Variants in LYST observed in about 807,000 individuals in gnomAD.
LYST encodes the protein lysosomal-trafficking regulator.
LYST carries 192 observed loss-of-function variants against 413.6 expected under a neutral mutation model. The observed-to-expected ratio is 0.46, with a 90% CI of 0.41 to 0.52. The LOEUF is 0.52. Ranked by LOEUF, LYST falls within the 20% of genes least tolerant of loss-of-function variation. The probability of loss-of-function intolerance (pLI) is 0.00; values close to 1 mark genes in which losing one functional copy is unlikely to be tolerated. For synonymous variants in LYST, 1,525 were observed against 1,567.3 expected, an observed-to-expected ratio of 0.97 and a Z score of 0.64; for missense variants, 3,815 against 4,499.9, an observed-to-expected ratio of 0.85 and a Z score of 4.35.
intron 3 of LYST, 127 bp downstream of exon 3, chr1:235,830,099 A>T: frequency 1.5e-6 from 1 of 673,772 alleles, no homozygotes; most frequent in Non-Finnish European, 2.6e-6. Context: ...CTTTTTTTTT[A>T]GTGGAATAAT....
chr1:235,793,467 T>C (rs1162954819), intron 11 of LYST, 36 bp downstream of exon 11: 3 of 946,700 alleles, frequency 3.2e-6, no homozygotes, highest in Non-Finnish European at 5.1e-6. Flanking sequence ...TGAAAGAATT[T>C]ATCAGTGAAA....
At chr1:235,831,204 C>T (rs2103001313) in intron 2 of LYST, among the ~76,000 whole-genome samples, 1 of 152,248 alleles carries the variant, frequency 6.6e-6, no homozygotes, top group South Asian at 2.1e-4. Flanking sequence ...CATGTATTGC[C>T]TCACCTCCCT....
chr1:235,756,738 A>G (rs1036622759), intron 24 of LYST, among the ~76,000 whole-genome samples: 1 of 152,198 alleles, frequency 6.6e-6, no homozygotes, highest in African/African-American at 2.4e-5. Context: ...TTAAAAAACA[A>G]GTACACAGAT....
intron 47 of LYST, among the ~76,000 whole-genome samples, chr1:235,693,065 C>T (rs1043557580): frequency 1.3e-5 from 2 of 152,064 alleles, no homozygotes; most frequent in Non-Finnish European, 2.9e-5. Context: ...CCTGTAATCC[C>T]AGCACTTTGG....
At chr1:235,859,903 A>C (rs1446795849) in intron 1 of LYST, among the ~76,000 whole-genome samples, 1 of 152,244 alleles carries the variant, frequency 6.6e-6, no homozygotes, top group Non-Finnish European at 1.5e-5. Flanking sequence ...AAAGAGTATC[A>C]TACAAATACT....
At chr1:235,715,535 TC>T (rs942654821) in intron 41 of LYST, among the ~76,000 whole-genome samples, 178 bp from the exon 42 acceptor site, 1 of 152,056 alleles carries the variant, frequency 6.6e-6, no homozygotes, top group Non-Finnish European at 1.5e-5. Context: ...GGGAGTCTTC[TC>T]CTTGGTGCCT....
At chr1:235,797,896 A>T (rs1306208364) in intron 10 of LYST, among the ~76,000 whole-genome samples, 3 of 152,212 alleles carry the variant, frequency 2.0e-5, no homozygotes, top group Non-Finnish European at 4.4e-5. Flanking sequence ...CAATATCCAG[A>T]ATATATAGAG....
chr1:235,844,979 T>C lies in LYST; in HGVS notation c.-97-11312A>G, dbSNP rs577523439. On this transcript the variant is annotated intron_variant, in intron 1 of 52. Coordinates refer to ENST00000389793, the MANE Select transcript of LYST (RefSeq NM_000081.4). The stretch of plus-strand genomic sequence containing the variant: ...CTAAAGAGAGGAGCTCCTGGGATCA[T>C]GGCGAAGGGAGGCAGGACTAGATTG... 7.2e-4 allele frequency among the ~76,000 whole-genome samples: 110 copies of C among 152,154 alleles called. 1 individual carries two copies. Among genetic ancestry groups the C allele is most frequent in the African/African-American group, 2.6e-3 (106 of 41,526 alleles).
At position 235,783,551 on chromosome 1, in the gene LYST, T is replaced by A. The variant is rs139697440; in HGVS notation, c.4863-1464A>T. ...ATGCACGTGGGGCTTAAAACCTAGA[T>A]GACGGGTTGATGGGTGCAGCAAACC... On this transcript the variant is annotated intron_variant, in intron 14 of 52. Transcript: ENST00000389793. Among the ~76,000 whole-genome samples the A allele has an allele frequency of 2.9e-3, 448 of 152,202 alleles. 1 individual carries two copies. The highest frequency in any genetic ancestry group is 9.8e-3 in the African/African-American group (407 of 41,542).
At chr1:235,713,958 G>C in intron 42 of LYST, among the ~76,000 whole-genome samples, 1 of 152,150 alleles carries the variant, frequency 6.6e-6, no homozygotes, top group East Asian at 1.9e-4. Context: ...TTGATTGGTA[G>C]TTTTATATTA....
In LYST at chr1:235,683,137, T is replaced by G. The variant is rs562851378; in HGVS notation, c.10800+3812A>C. 4.8e-4 allele frequency among the ~76,000 whole-genome samples: 73 copies of G among 152,370 alleles called. 1 individual carries two copies. The East Asian group carries it at 0.013, about 27-fold the overall frequency. On this transcript the variant is annotated intron_variant, in intron 48 of 52. Coordinates refer to ENST00000389793, the MANE Select transcript of LYST (RefSeq NM_000081.4). ...ACATAGGGGTCCTAATAGTAGTATT[T>G]GATAATTTTTTAATAAACTCTGCAC...
intron 27 of LYST, among the ~76,000 whole-genome samples, chr1:235,751,737 C>G (rs1227558639): frequency 6.6e-6 from 1 of 152,092 alleles, no homozygotes; most frequent in Non-Finnish European, 1.5e-5. Flanking sequence ...ATGCAACATA[C>G]ACTTTTAAAT....
intron 28 of LYST, chr1:235,747,220 G>GA (rs1666018501): frequency 2.2e-6 from 1 of 451,366 alleles, no homozygotes; most frequent in Non-Finnish European, 4.5e-6. Context: ...AAACTGGGGG[G>GA]ATGAGTCTTG....
chr1:235,692,272 G>A (rs971385833), intron 47 of LYST, among the ~76,000 whole-genome samples: 2 of 151,686 alleles, frequency 1.3e-5, no homozygotes, highest in African/African-American at 4.8e-5. Context: ...GGCGGAGGTT[G>A]CAGTGGGCAC....
chr1:235,763,475 C>T lies in LYST; in HGVS notation c.6122-624G>A, dbSNP rs1360371941. On this transcript the variant is annotated intron_variant, in intron 21 of 52. Coordinates refer to ENST00000389793, the MANE Select transcript of LYST (RefSeq NM_000081.4). ...ACTGACTTTTTCCCTTTTTTTGAGA[C>T]AGTCTTGCTCTGTCGCCCAGGCTGG... 2.0e-5 allele frequency among the ~76,000 whole-genome samples: 3 copies of T among 152,082 alleles called. No individual in the cohort carries two copies. The East Asian group carries it at 5.8e-4, about 29-fold the overall frequency.
At chr1:235,672,451 A>G (rs1659022560) in intron 50 of LYST, among the ~76,000 whole-genome samples, 1 of 152,176 alleles carries the variant, frequency 6.6e-6, no homozygotes, top group Non-Finnish European at 1.5e-5. Flanking sequence ...AGTATTCTGA[A>G]AGCCACCAGA....
At chr1:235,847,702 G>T (rs1030795679) in intron 1 of LYST, among the ~76,000 whole-genome samples, 29 of 152,110 alleles carry the variant, frequency 1.9e-4, no homozygotes, top group African/African-American at 6.5e-4. Context: ...GGTGGGAAAA[G>T]GCATTTCATG....
chr1:235,781,184 G>A, intron 15 of LYST, 129 bp from the exon 16 acceptor site: 1 of 657,264 alleles, frequency 1.5e-6, no homozygotes, highest in South Asian at 1.9e-5. Flanking sequence ...TTATAAAATT[G>A]ATAAAGCCTC....
chr1:235,805,744 T>C lies in LYST; in HGVS notation c.3392A>G (p.Gln1131Arg). The C allele has an allele frequency of 1.2e-6, 2 of 1,610,880 alleles. No homozygotes were observed. Among genetic ancestry groups the C allele is most frequent in the Non-Finnish European group, 1.7e-6 (2 of 1,177,600 alleles). Residue 1131 changes from glutamine (Q) to arginine (R), a missense_variant and splice_region_variant, in exon 6 of 53, where the codon CAG (glutamine) becomes CGG (arginine). Gln to Arg is a conservative substitution (Grantham distance 43, BLOSUM62 1). This residue lies in a region of LYST where 1,648 missense variants were observed against 1,810.3 expected (regional missense o/e 0.91). Coordinates refer to ENST00000389793, the MANE Select transcript of LYST (RefSeq NM_000081.4). ...QQKMELELPNQNLSVESILFE... is the reference protein window; with the variant it reads ...QQKMELELPNRNLSVESILFE... ...GTTGGACTAAGGACAAGGTATTACC[T>C]GATTAGGTAACTCCAATTCCATCTT...
Sources: allele counts gnomAD v4.1 joint callset (sites outside exome capture counted in the v4.1 genomes callset), GRCh38; gene constraint gnomAD v4.1.1; regional missense constraint gnomAD v4.1.1; transcripts MANE v1.5; gene names NCBI Gene and HGNC (gene_info 2026-07-23, HGNC 2026-07-21).